DYRK1A: variants seen among roughly 807,000 people sequenced by gnomAD.
DYRK1A encodes dual specificity tyrosine phosphorylation regulated kinase 1A, also known as dual specificity tyrosine-phosphorylation-regulated kinase 1A.
Under a neutral mutation model 79.7 loss-of-function variants are expected in DYRK1A, and 9 were observed. The observed-to-expected ratio is 0.11, with a 90% confidence interval of 0.07 to 0.20. The LOEUF is 0.20. DYRK1A is among the 10% of genes least tolerant of loss of function. DYRK1A has a pLI of 1.00. For missense variants in DYRK1A, 622 were observed against 956.0 expected, an observed-to-expected ratio of 0.65 and a Z score of 4.61; for synonymous variants, 349 against 329.7, an observed-to-expected ratio of 1.06 and a Z score of -0.63.
rs529823843 is a variant in DYRK1A at position 37,516,128 on chromosome 21, C to T, written c.*3597C>T. 5 of 152,198 alleles carry T rather than the reference C, an allele frequency of 3.3e-5. No individual in the cohort carries two copies. The East Asian group carries it at 9.6e-4, about 29-fold the overall frequency. The allele number at this position is 152,198 out of a possible 1,614,324, so 9.4% of individuals were successfully genotyped here. On this transcript the variant is annotated 3_prime_UTR_variant, in exon 12 of 12. Transcript: ENST00000647188. Reference sequence around the variant, plus strand: ...GATCCGGTGCATTCTGGGTGGTATCCCCATAGACAGAATACAAGTTCAAGA... The same window carrying T: ...GATCCGGTGCATTCTGGGTGGTATCTCCATAGACAGAATACAAGTTCAAGA...
intron 6 of DYRK1A, chr21:37,488,979 T>C: frequency 1.8e-6 from 1 of 569,338 alleles, no homozygotes; most frequent in Non-Finnish European, 2.2e-6. Flanking sequence ...AGTATCGAGT[T>C]GTGCTGTAGA....
intron 1 of DYRK1A, among the ~76,000 whole-genome samples, chr21:37,406,016 CT>C (rs913148077): frequency 2.8e-4 from 40 of 144,282 alleles, no homozygotes; most frequent in Admixed American, 6.2e-4. Context: ...GGTCATTCCT[CT>C]TTTTTTTTTT....
chr21:37,376,045 A>G (rs2049532968), intron 1 of DYRK1A, among the ~76,000 whole-genome samples: 1 of 152,018 alleles, frequency 6.6e-6, no homozygotes. Flanking sequence ...ATGGCTTGGC[A>G]GAGAGAAGAG....
Position 37,506,145 on chromosome 21 carries a change from G to A in DYRK1A, c.1566G>A (p.Pro522=), listed in dbSNP as rs530846706. Residue 522 remains proline, a synonymous_variant, in exon 11 of 12, where the codon CCG becomes CCA. Transcript: ENST00000647188. ...TSNSGRARSD[P]THQHRHSGGH... ...ACAGTGGGAGAGCCCGGTCGGATCC[G>A]ACGCACCAGCATCGGCACAGTGGTG... is the stretch of plus-strand genomic sequence containing the variant. The A allele has an allele frequency of 1.4e-5, 23 of 1,614,040 alleles. No homozygotes were observed. Among genetic ancestry groups the A allele is most frequent in the African/African-American group, 1.1e-4 (8 of 75,056 alleles).
At chr21:37,508,171 G>A (rs1164801068) in intron 11 of DYRK1A, among the ~76,000 whole-genome samples, 2 of 152,136 alleles carry the variant, frequency 1.3e-5, no homozygotes, top group Admixed American at 6.5e-5. Context: ...TTACCTCATT[G>A]TTATGACTTG....
In DYRK1A at chr21:37,486,469, T is replaced by C. The variant is rs148892536; in HGVS notation, c.492T>C (p.Val164=). The C allele has an allele frequency of 9.5e-5, 144 of 1,511,190 alleles. No individual in the cohort carries two copies. The African/African-American group carries it at 1.9e-3, about 20-fold the overall frequency. The allele number at this position is 1,511,190 out of a possible 1,614,324, so 93.6% of individuals were successfully genotyped here. A position where few individuals can be genotyped will look rare whatever the true frequency, so the allele number is the denominator to read the frequency against. ...SLIGKGSFGQ[V]VKAYDRVEQE... Reference sequence around the variant, plus strand: ...GAATTATTCATCTTCTCTTTTAGGTTGTAAAGGCATATGATCGTGTGGAGC... The same window carrying C: ...GAATTATTCATCTTCTCTTTTAGGTCGTAAAGGCATATGATCGTGTGGAGC... The change falls in exon 6 of 12, where the codon GTT becomes GTC. Residue 164 remains valine (V), a splice_region_variant and synonymous_variant. Transcript: ENST00000647188.
intron 6 of DYRK1A, chr21:37,488,173 A>C: frequency 5.6e-5 from 10 of 177,460 alleles, no homozygotes; most frequent in Non-Finnish European, 8.8e-5. Context: ...AGTTGACATT[A>C]ATGATCATAT....
In DYRK1A at chr21:37,481,186, C is replaced by G. The variant is rs552436478; in HGVS notation, c.489+360C>G. The stretch of plus-strand genomic sequence containing the variant: ...TACCTTCTTGTCCGATAGACCACTT[C>G]AAAGAGAAAAGAATTACCATGTTCA... On this transcript the variant is annotated intron_variant, in intron 5 of 11. Coordinates refer to ENST00000647188, the MANE Select transcript of DYRK1A (RefSeq NM_001347721.2). 3 of 158,384 alleles carry G rather than the reference C, an allele frequency of 1.9e-5. No homozygotes were observed. The East Asian group carries it at 5.4e-4, about 29-fold the overall frequency. 9.8% of individuals were successfully genotyped at this position (158,384 alleles called of 1,614,324 possible). A position where few individuals can be genotyped will look rare whatever the true frequency, so the allele number is the denominator to read the frequency against.
intron 1 of DYRK1A, among the ~76,000 whole-genome samples, chr21:37,415,013 T>A (rs1304170405): frequency 2.0e-5 from 3 of 152,164 alleles, no homozygotes; most frequent in African/African-American, 4.8e-5. Flanking sequence ...TTTCTCCCCT[T>A]CAGTTTTAGA....
intron 1 of DYRK1A, among the ~76,000 whole-genome samples, chr21:37,394,207 ATTTCTT>A (rs887924026): frequency 1.4e-5 from 2 of 145,088 alleles, no homozygotes; most frequent in African/African-American, 5.1e-5. Context: ...GCAGTGGTGT[ATTTCTT>A]TTTTTTTAAA....
At chr21:37,435,448 A>C (rs1284278093) in intron 2 of DYRK1A, among the ~76,000 whole-genome samples, 1 of 152,232 alleles carries the variant, frequency 6.6e-6, no homozygotes, top group Non-Finnish European at 1.5e-5. Flanking sequence ...CACTGCGGGC[A>C]GGCGGATTTT....
chr21:37,396,708 A>G (rs142128190), intron 1 of DYRK1A, among the ~76,000 whole-genome samples: 166 of 152,290 alleles, frequency 1.1e-3, no homozygotes, highest in African/African-American at 3.7e-3. Context: ...AAGAATTGGT[A>G]GACGACCCTT....
intron 11 of DYRK1A, among the ~76,000 whole-genome samples, chr21:37,506,903 C>G (rs1307532432): frequency 6.6e-6 from 1 of 151,990 alleles, no homozygotes; most frequent in African/African-American, 2.4e-5. Context: ...ATTCTTGTGA[C>G]TAGGGCAGCT....
chr21:37,420,201 C>T, intron 1 of DYRK1A, 98 bp from the exon 2 acceptor site: 1 of 422,898 alleles, frequency 2.4e-6, no homozygotes, highest in South Asian at 9.3e-5. Flanking sequence ...TAATTTTATT[C>T]TTTATGTTTT....
At chr21:37,490,975 A>C (rs977328128) in intron 7 of DYRK1A, among the ~76,000 whole-genome samples, 3 of 152,140 alleles carry the variant, frequency 2.0e-5, no homozygotes, top group Admixed American at 2.0e-4. Flanking sequence ...AGATGGATCA[A>C]GATAAATCTT....
At chr21:37,464,317 C>T (rs779029657) in intron 2 of DYRK1A, 12 of 491,182 alleles carry the variant, frequency 2.4e-5, no homozygotes, top group South Asian at 1.7e-4. Context: ...ATTATAGTTC[C>T]TTGCTAGAAC....
At chr21:37,392,669 C>G (rs753137302) in intron 1 of DYRK1A, among the ~76,000 whole-genome samples, 3 of 152,208 alleles carry the variant, frequency 2.0e-5, no homozygotes, top group Admixed American at 6.5e-5. Context: ...AAGGCTCCAC[C>G]TCTTAATACT....
chr21:37,445,121 C>T (rs2148487308), intron 2 of DYRK1A, among the ~76,000 whole-genome samples: 1 of 152,254 alleles, frequency 6.6e-6, no homozygotes, highest in South Asian at 2.1e-4. Flanking sequence ...CAGGATGGTG[C>T]TTCTGATAGT....
At chr21:37,387,384 T>G (rs2049780660) in intron 1 of DYRK1A, among the ~76,000 whole-genome samples, 2 of 152,372 alleles carry the variant, frequency 1.3e-5, no homozygotes, top group African/African-American at 4.8e-5. Flanking sequence ...GATTACATTT[T>G]CCACCTTGTA....
Sources: allele counts gnomAD v4.1 joint callset (sites outside exome capture counted in the v4.1 genomes callset), GRCh38; gene constraint gnomAD v4.1.1; transcripts MANE v1.5; gene names NCBI Gene and HGNC (gene_info 2026-07-23, HGNC 2026-07-21).